Variants in PCDHA1 observed in about 807,000 individuals in gnomAD.
PCDHA1 encodes protocadherin alpha 1.
A neutral mutation model predicts 61.3 loss-of-function variants in PCDHA1; 42 were observed. The observed-to-expected ratio is 0.69, with a 90% CI of 0.54 to 0.89. The LOEUF is 0.89. Among genes scored for constraint, PCDHA1 ranks in the 40% least tolerant of loss-of-function variants. PCDHA1 has a pLI of 0.00. For missense variants in PCDHA1, 1,256 were observed against 1,235.3 expected, an observed-to-expected ratio of 1.02 and a Z score of -0.25; for synonymous variants, 610 against 553.8, an observed-to-expected ratio of 1.10 and a Z score of -1.43.
At chr5:140,856,985 A>G (rs1463839145) in intron 1 of PCDHA1, 1 of 1,595,232 alleles carries the variant, frequency 6.3e-7, no homozygotes, top group Non-Finnish European at 8.6e-7. Flanking sequence ...TGAGGACAGT[A>G]ACACTTATGA....
At chr5:140,863,736 T>C (rs2048147573) in intron 1 of PCDHA1, 1 of 249,698 alleles carries the variant, frequency 4.0e-6, no homozygotes. Context: ...AGCTCATGCC[T>C]ATTTGTAATC....
Position 141,009,965 on chromosome 5 carries a change from G to A in PCDHA1, c.*28G>A, listed in dbSNP as rs782001097. On this transcript the variant is annotated 3_prime_UTR_variant, in exon 4 of 4. Coordinates refer to ENST00000504120, the MANE Select transcript of PCDHA1 (RefSeq NM_018900.4). ...TCCTCAAATGGAAACAAGCCACTTA[G>A]CCAGTTTTTGTAATAATGGCAAATC... is the stretch of plus-strand genomic sequence containing the variant. 1.6e-5 allele frequency: 26 copies of A among 1,587,906 alleles called. No individual in the cohort carries two copies. Among genetic ancestry groups the A allele is most frequent in the Non-Finnish European group, 2.6e-6 (3 of 1,170,436 alleles).
At chr5:140,843,593 G>C in intron 1 of PCDHA1, 1 of 1,596,072 alleles carries the variant, frequency 6.3e-7, no homozygotes, top group Non-Finnish European at 8.6e-7. Context: ...GCCGCAGAGG[G>C]TGTGCTCTGG....
chr5:140,935,870 T>C (rs1486682424), intron 1 of PCDHA1, among the ~76,000 whole-genome samples: 1 of 151,620 alleles, frequency 6.6e-6, no homozygotes, highest in East Asian at 1.9e-4. Context: ...TAGCAATTAA[T>C]GAGCTCCAAT....
In PCDHA1 at chr5:140,787,982, G is replaced by A. The variant is rs782543555; in HGVS notation, c.1692G>A (p.Ala564=). Residue 564 remains alanine (A), a synonymous_variant, in exon 1 of 4, where the codon GCG becomes GCA. Coordinates refer to ENST00000504120, the MANE Select transcript of PCDHA1 (RefSeq NM_018900.4). ...FVLDENDNAP[A]LLAPRVGGTI... is the part of the protein sequence containing the mutation. ...TGGACGAGAACGACAACGCGCCGGC[G>A]CTGCTGGCGCCTCGAGTGGGTGGCA... The A allele has an allele frequency of 3.7e-6, 6 of 1,614,004 alleles. No individual in the cohort carries two copies. The Admixed American group carries it at 8.3e-5, about 22-fold the overall frequency.
At chr5:140,892,144 G>A (rs549500463) in intron 1 of PCDHA1, among the ~76,000 whole-genome samples, 45 of 152,220 alleles carry the variant, frequency 3.0e-4, no homozygotes, top group African/African-American at 1.1e-3. Context: ...TGGTTTTAGC[G>A]TCTATTTCTG....
intron 1 of PCDHA1, chr5:140,795,555 G>C (rs1278109888): frequency 6.2e-7 from 1 of 1,614,062 alleles, no homozygotes; most frequent in Non-Finnish European, 8.5e-7. Context: ...TCGTGCTGGG[G>C]AAATCGCTGG....
intron 1 of PCDHA1, among the ~76,000 whole-genome samples, chr5:140,936,730 T>C (rs2091111568): frequency 6.6e-6 from 1 of 152,258 alleles, no homozygotes; most frequent in Non-Finnish European, 1.5e-5. Flanking sequence ...GTGTTAAATA[T>C]AGTAACTTTT....
intron 1 of PCDHA1, chr5:140,822,363 G>A: frequency 6.2e-7 from 1 of 1,614,118 alleles, no homozygotes; most frequent in South Asian, 1.1e-5. Context: ...TGGTTTTGAG[G>A]AAATCCTTAG....
chr5:140,884,123 C>A (rs1360744073), intron 1 of PCDHA1: 4 of 1,613,232 alleles, frequency 2.5e-6, no homozygotes, highest in Non-Finnish European at 3.4e-6. Context: ...GGTCGGCGCG[C>A]GCATCCCGTT....
intron 1 of PCDHA1, chr5:140,883,245 G>C: frequency 6.2e-7 from 1 of 1,614,016 alleles, no homozygotes; most frequent in South Asian, 1.1e-5. Context: ...GTTGACAAAG[G>C]AAATATTCCA....
rs148906083 is a variant in PCDHA1, at chr5:140,906,715, A to C, written c.2395-72234A>C. ...CTGGGCCATTTGTAGTCCTGCCTGG[A>C]TTGTGCTGTTGTAGTTTCCCATTGA... On this transcript the variant is annotated intron_variant, in intron 1 of 3. Transcript: ENST00000504120. Among the ~76,000 whole-genome samples, 692 of 152,238 alleles carry C rather than the reference A, an allele frequency of 4.5e-3. 12 individuals carry two copies. The highest frequency in any genetic ancestry group is 0.027 in the Middle Eastern group (8 of 294).
intron 1 of PCDHA1, chr5:140,930,379 G>A (rs1249793792): frequency 1.3e-5 from 2 of 151,896 alleles, no homozygotes; most frequent in African/African-American, 2.4e-5. Context: ...GTGGCCCTTG[G>A]CATTTCAAAA....
At chr5:140,842,672 A>G in intron 1 of PCDHA1, 2 of 1,595,340 alleles carry the variant, frequency 1.3e-6, no homozygotes, top group Non-Finnish European at 1.7e-6. Flanking sequence ...CGTGAACGAC[A>G]ATGCTCCGGC....
intron 1 of PCDHA1, among the ~76,000 whole-genome samples, chr5:140,875,040 T>C (rs1369679625): frequency 2.0e-5 from 3 of 152,340 alleles, no homozygotes; most frequent in Admixed American, 2.0e-4. Flanking sequence ...ATTTGAAAGA[T>C]TTCTACTTTG....
intron 1 of PCDHA1, among the ~76,000 whole-genome samples, chr5:140,838,192 C>A (rs1473980507): frequency 1.3e-5 from 2 of 149,554 alleles, no homozygotes; most frequent in Non-Finnish European, 3.0e-5. Flanking sequence ...CAGCTCACTG[C>A]AAAATCCGCC....
chr5:140,837,926 ACCT>A (rs1775320032), intron 1 of PCDHA1, among the ~76,000 whole-genome samples: 1 of 151,498 alleles, frequency 6.6e-6, no homozygotes. Flanking sequence ...CGATCCTCCT[ACCT>A]TGGCCTCCCA....
chr5:140,986,714 CATT>C (rs1426352732), intron 3 of PCDHA1, among the ~76,000 whole-genome samples: 4 of 152,118 alleles, frequency 2.6e-5, no homozygotes, highest in Non-Finnish European at 4.4e-5. Flanking sequence ...CAGAAGATAA[CATT>C]ATAGCTTCTC....
chr5:140,842,480 T>C (rs1554139085), intron 1 of PCDHA1: 2 of 1,613,826 alleles, frequency 1.2e-6, no homozygotes, highest in Non-Finnish European at 1.7e-6. Flanking sequence ...GCAGGTGACC[T>C]GCTCCCTGAT....
Sources: gnomAD v4.1 joint callset for allele counts (sites outside exome capture counted in the v4.1 genomes callset) on GRCh38, gnomAD v4.1.1 for gene constraint, MANE v1.5 for transcripts, NCBI Gene and HGNC (gene_info 2026-07-23, HGNC 2026-07-21) for gene names.